PLCH1: variants seen among roughly 807,000 people sequenced by gnomAD.
PLCH1 encodes the protein 1-phosphatidylinositol 4,5-bisphosphate phosphodiesterase eta-1.
PLCH1 carries 60 observed loss-of-function variants against 126.7 expected under a neutral mutation model. The ratio of observed to expected loss-of-function variants is 0.47; its 90% confidence interval spans 0.38 to 0.59. The LOEUF is 0.59. PLCH1 is among the 20% of genes least tolerant of loss of function. The probability of loss-of-function intolerance (pLI) is 0.00; values close to 1 mark genes in which losing one functional copy is unlikely to be tolerated. For synonymous variants in PLCH1, 719 were observed against 734.9 expected (o/e 0.98, Z 0.35); for missense variants, 1,723 against 2,040.0 (o/e 0.84, Z 2.99).
chr3:155,532,605 TA>T (rs939896941), intron 10 of PLCH1, among the ~76,000 whole-genome samples: 2 of 152,142 alleles, frequency 1.3e-5, no homozygotes, highest in African/African-American at 4.8e-5. Context: ...GATGACTTTA[TA>T]AAGGGCTCTT....
chr3:155,664,633 G>C (rs562367273), intron 2 of PLCH1, among the ~76,000 whole-genome samples: 16 of 152,164 alleles, frequency 1.1e-4, no homozygotes, highest in Non-Finnish European at 2.1e-4. Context: ...CCCACAGGGC[G>C]TAGTTTGCCA....
At chr3:155,574,828 T>C (rs1423732765) in intron 6 of PLCH1, among the ~76,000 whole-genome samples, 1 of 152,130 alleles carries the variant, frequency 6.6e-6, no homozygotes, top group East Asian at 1.9e-4. Context: ...CTGCTTTAAT[T>C]GTGAATAATT....
At chr3:155,477,015 A>G (rs759352544), downstream of PLCH1, among the ~76,000 whole-genome samples, 5 of 152,180 alleles carry the variant, frequency 3.3e-5, no homozygotes, top group Non-Finnish European at 7.4e-5. Flanking sequence ...ACAGAGCTAT[A>G]GTAACCAAAA....
At chr3:155,622,414 T>C (rs12529221) in intron 2 of PLCH1, among the ~76,000 whole-genome samples, 1 of 152,152 alleles carries the variant, frequency 6.6e-6, no homozygotes, top group African/African-American at 2.4e-5. Context: ...CATAACAATA[T>C]TAACCTTAAA....
Position 155,500,759 on chromosome 3 carries a change from A to G in PLCH1, c.1740T>C (p.Thr580=). ...TTKSRSKSYS[T]DDEEDTQQST... Reference sequence around the variant, plus strand: ...TCTGCTGTGTGTCTTCCTCATCATCAGTACTGTAAGATTTAGACCGTGATT... The same window carrying G: ...TCTGCTGTGTGTCTTCCTCATCATCGGTACTGTAAGATTTAGACCGTGATT... Residue 580 remains threonine, a synonymous_variant, in exon 14 of 23, where the codon ACT becomes ACC. Transcript: ENST00000460012. 6.2e-7 allele frequency: 1 copy of G among 1,613,628 alleles called. No homozygotes were observed. Among genetic ancestry groups the G allele is most frequent in the East Asian group, 2.2e-5 (1 of 44,872 alleles).
chr3:155,488,051 T>C lies in PLCH1; in HGVS notation c.2596A>G (p.Thr866Ala). 6.2e-7 allele frequency: 1 copy of C among 1,600,782 alleles called. No homozygotes were observed. The highest frequency in any genetic ancestry group is 8.6e-7 in the Non-Finnish European group (1 of 1,167,784). Reference protein sequence around the residue: ...LTEASIFVHITINEIYGKNRQ... With the variant: ...LTEASIFVHIAINEIYGKNRQ... ...ACCTTTCCATAGATTTCATTGATGG[T>C]TATGTGTACAAATATGGATGCTTCT... The change falls in exon 21 of 23, where the codon ACC (threonine) becomes GCC (alanine). Residue 866 changes from threonine to alanine, a missense_variant. Coordinates refer to ENST00000460012, the MANE Select transcript of PLCH1 (RefSeq NM_014996.4).
chr3:155,595,197 T>C (rs1366453664), intron 3 of PLCH1, among the ~76,000 whole-genome samples: 1 of 152,228 alleles, frequency 6.6e-6, no homozygotes, highest in African/African-American at 2.4e-5. Flanking sequence ...GTGGAGTGGC[T>C]GGAATCACAG....
chr3:155,658,446 G>T, intron 2 of PLCH1: 1 of 160,358 alleles, frequency 6.2e-6, no homozygotes, highest in Non-Finnish European at 1.4e-5. Context: ...CGGAAGCCCA[G>T]ACACGGGAAG....
intron 11 of PLCH1, among the ~76,000 whole-genome samples, chr3:155,522,962 G>GC (rs1274800355): frequency 1.1e-4 from 16 of 142,480 alleles, no homozygotes; most frequent in Admixed American, 2.8e-4. Flanking sequence ...TTCTTTTTTT[G>GC]CGGGGGGGGT....
chr3:155,539,909 A>G (rs1471032212), intron 10 of PLCH1, among the ~76,000 whole-genome samples: 1 of 152,174 alleles, frequency 6.6e-6, no homozygotes, highest in Non-Finnish European at 1.5e-5. Context: ...ATATGGAACT[A>G]AAAGAGGGCC....
intron 1 of PLCH1, among the ~76,000 whole-genome samples, chr3:155,711,751 T>C (rs1295670497): frequency 2.0e-5 from 3 of 150,044 alleles, no homozygotes; most frequent in Non-Finnish European, 3.0e-5. Context: ...GGCCACAGTA[T>C]AGGAGATCCA....
At chr3:155,541,757 T>C (rs551620881) in intron 10 of PLCH1, among the ~76,000 whole-genome samples, 1 of 152,074 alleles carries the variant, frequency 6.6e-6, no homozygotes, top group Non-Finnish European at 1.5e-5. Flanking sequence ...GCCCATACTT[T>C]TGGAAAAACA....
At chr3:155,582,084 T>C (rs1730787066) in intron 6 of PLCH1, among the ~76,000 whole-genome samples, 2 of 129,676 alleles carry the variant, frequency 1.5e-5, no homozygotes, top group African/African-American at 2.9e-5. Context: ...TCTTTTTTTT[T>C]TTTTTTTTTT....
At chr3:155,743,495 G>C (rs755430573) in intron 1 of PLCH1, 1 of 437,944 alleles carries the variant, frequency 2.3e-6, no homozygotes, top group Admixed American at 2.7e-5. Context: ...TCGCACCACT[G>C]CACTCCAGCC....
chr3:155,484,505 A>G (rs1305279880), intron 22 of PLCH1, among the ~76,000 whole-genome samples: 2 of 152,262 alleles, frequency 1.3e-5, no homozygotes, highest in African/African-American at 4.8e-5. Flanking sequence ...ATAAAAGTTA[A>G]AAGAATAATT....
rs774216828 is a variant in PLCH1, at chr3:155,481,561, C to T, written c.4465G>A (p.Asp1489Asn). ...PSPCKSKSLG[D>N]LTSEDIACNF... is the part of the protein sequence containing the mutation. ...CAGGCAATGTCCTCTGATGTTAAGT[C>T]CCCCAGACTTTTGGATTTGCAAGGA... is the stretch of plus-strand genomic sequence containing the variant. Residue 1489 changes from aspartate to asparagine, a missense_variant, in exon 23 of 23, where the codon GAC (aspartate) becomes AAC (asparagine). This residue lies in a region of PLCH1 where 947 missense variants were observed against 977.1 expected (regional missense o/e 0.97). Coordinates refer to ENST00000460012, the MANE Select transcript of PLCH1 (RefSeq NM_014996.4). The surrounding 1 kb of genome is among the most constrained non-coding windows in gnomAD (Gnocchi z 4.2). 2.5e-6 allele frequency: 4 copies of T among 1,613,972 alleles called. No homozygotes were observed. Among genetic ancestry groups the T allele is most frequent in the Admixed American group, 1.7e-5 (1 of 59,974 alleles).
At chr3:155,603,776 GA>G (rs1312686790) in intron 2 of PLCH1, among the ~76,000 whole-genome samples, 1 of 152,038 alleles carries the variant, frequency 6.6e-6, no homozygotes, top group Admixed American at 6.6e-5. Context: ...CTACAGACAT[GA>G]TTTTTTTTTA....
chr3:155,731,055 A>G (rs1393434680), intron 1 of PLCH1, among the ~76,000 whole-genome samples: 1 of 152,146 alleles, frequency 6.6e-6, no homozygotes, highest in Non-Finnish European at 1.5e-5. Context: ...TGCCTGGTGG[A>G]CTTGTTCTCC....
intron 8 of PLCH1, among the ~76,000 whole-genome samples, chr3:155,560,010 TAA>T (rs761740200): frequency 2.6e-5 from 4 of 152,136 alleles, no homozygotes; most frequent in Non-Finnish European, 4.4e-5. Context: ...TATAAGGAAT[TAA>T]TGACAGAAAC....
Sources: allele counts gnomAD v4.1 joint callset (sites outside exome capture counted in the v4.1 genomes callset), GRCh38; gene constraint gnomAD v4.1.1; regional missense constraint gnomAD v4.1.1; non-coding constraint Gnocchi (gnomAD v3.1); transcripts MANE v1.5; gene names NCBI Gene and HGNC (gene_info 2026-07-23, HGNC 2026-07-21).